DDHD2: variants seen among roughly 807,000 people sequenced by gnomAD.
DDHD2 encodes DDHD domain containing 2.
In DDHD2, 62 loss-of-function variants were observed where a neutral mutation model predicts 91.2. The observed-to-expected ratio is 0.68, with a 90% CI of 0.55 to 0.84. The LOEUF (loss-of-function observed/expected upper bound fraction) is 0.84, where lower values mean the gene tolerates loss of function less well. DDHD2 is among the 40% of genes least tolerant of loss of function. The probability of loss-of-function intolerance (pLI) is 0.00; values close to 1 mark genes in which losing one functional copy is unlikely to be tolerated. For synonymous variants in DDHD2, 271 were observed against 293.9 expected (o/e 0.92, Z 0.80); for missense variants, 740 against 846.9 (o/e 0.87, Z 1.57).
downstream of DDHD2, chr8:38,266,245 T>G: frequency 6.2e-7 from 1 of 1,613,832 alleles, no homozygotes; most frequent in Non-Finnish European, 8.5e-7. Flanking sequence ...CCCACGGCCT[T>G]GTGGTGTGAA....
chr8:38,269,094 G>A, intron 1 of DDHD2: 2 of 1,527,118 alleles, frequency 1.3e-6, no homozygotes, highest in Non-Finnish European at 1.8e-6. Flanking sequence ...GGGAAGCGGG[G>A]CCGCCCGGGC....
downstream of DDHD2, chr8:38,267,596 A>G (rs2130937636): frequency 1.5e-6 from 1 of 662,110 alleles, no homozygotes; most frequent in East Asian, 2.8e-5. Context: ...CCATTCCAGC[A>G]CATGATTACT....
intron 3 of DDHD2, 27 bp downstream of exon 3, chr8:38,234,611 ATTCT>A (rs757206544): frequency 5.9e-6 from 9 of 1,523,416 alleles, no homozygotes; most frequent in Admixed American, 4.5e-5. Flanking sequence ...TTTTTTACTT[ATTCT>A]TTCTTTCTCT....
intron 16 of DDHD2, among the ~76,000 whole-genome samples, chr8:38,256,779 T>C (rs1409556484): frequency 6.6e-6 from 1 of 152,208 alleles, no homozygotes; most frequent in African/African-American, 2.4e-5. Flanking sequence ...ATGGACATAT[T>C]CTTGGGTAAA....
intron 2 of DDHD2, 85 bp downstream of exon 2, chr8:38,233,299 A>C: frequency 1.8e-6 from 2 of 1,086,974 alleles, no homozygotes; most frequent in Non-Finnish European, 2.6e-6. Flanking sequence ...GAGTGCTATG[A>C]AAACCAAATT....
intron 1 of DDHD2, chr8:38,269,182 C>T (rs1157567372): frequency 4.7e-6 from 7 of 1,503,280 alleles, no homozygotes; most frequent in Non-Finnish European, 6.2e-6. Context: ...AGGCCACCGC[C>T]GCCGCCGCCT....
In DDHD2 at chr8:38,247,718, G is replaced by A. The variant is rs138763105; in HGVS notation, c.1131G>A (p.Ser377=). Reference sequence around the variant, plus strand: ...CTTTATAATTTAATTTTTAGGATTCGCTAAATATTGTAATGGATCAAGGAG... The same window carrying A: ...CTTTATAATTTAATTTTTAGGATTCACTAAATATTGTAATGGATCAAGGAG... ...SLGDIDSEKD[S]LNIVMDQGDT... The change falls in exon 10 of 18, where the codon TCG becomes TCA. Residue 377 remains serine (S), a synonymous_variant. Coordinates refer to ENST00000397166, the MANE Select transcript of DDHD2 (RefSeq NM_015214.3). 4.4e-5 allele frequency: 65 copies of A among 1,491,102 alleles called. No homozygotes were observed. Among genetic ancestry groups the A allele is most frequent in the Non-Finnish European group, 5.4e-5 (60 of 1,113,050 alleles). The allele number at this position is 1,491,102 out of a possible 1,614,324, so 92.4% of individuals were successfully genotyped here. A position where few individuals can be genotyped will look rare whatever the true frequency, so the allele number is the denominator to read the frequency against.
downstream of DDHD2, chr8:38,264,761 T>C (rs1005552651): frequency 6.9e-7 from 1 of 1,456,918 alleles, no homozygotes; most frequent in African/African-American, 1.4e-5. Flanking sequence ...ATCTTTTTAT[T>C]CTCAATTTTA....
At chr8:38,269,758 A>G (rs1487109593) in intron 1 of DDHD2, 1 of 152,592 alleles carries the variant, frequency 6.6e-6, no homozygotes, top group African/African-American at 2.4e-5. Flanking sequence ...ATCTGAAATC[A>G]GTGGAATGTC....
Position 38,245,926 on chromosome 8 carries a change from G to A in DDHD2, c.1033G>A (p.Val345Ile), listed in dbSNP as rs776010216. The A allele has an allele frequency of 6.2e-7, 1 of 1,613,758 alleles. No individual in the cohort carries two copies. Among genetic ancestry groups the A allele is most frequent in the Admixed American group, 1.7e-5 (1 of 60,002 alleles). ...GAGGAACCCTGATTTCAAAGGGGGT[G>A]TATCCATTGCTGGTCATAGTTTAGG... The part of the protein sequence containing the change: ...LQRNPDFKGG[V>I]SIAGHSLGSL... The change falls in exon 8 of 18, where the codon GTA becomes ATA. Residue 345 changes from valine (V) to isoleucine (I), a missense_variant. By Grantham distance (29) the Val-to-Ile change is conservative. Around this residue, in one of 2 missense-constraint regions of DDHD2, gnomAD observed 693 missense variants for 764.2 expected, o/e 0.91. Coordinates refer to ENST00000397166, the MANE Select transcript of DDHD2 (RefSeq NM_015214.3).
chr8:38,267,318 T>A (rs1268631384), downstream of DDHD2: 2 of 1,613,894 alleles, frequency 1.2e-6, no homozygotes, highest in Non-Finnish European at 1.7e-6. Flanking sequence ...ACCACGTCCT[T>A]ATCCCCTGTA....
At chr8:38,241,833 C>G (rs552507161) in intron 6 of DDHD2, 5 of 155,896 alleles carry the variant, frequency 3.2e-5, no homozygotes, top group African/African-American at 1.2e-4. Flanking sequence ...GCAGGCAGAT[C>G]ACCTAAAGTC....
chr8:38,239,153 C>G (rs1455699067), intron 5 of DDHD2: 2 of 152,048 alleles, frequency 1.3e-5, no homozygotes, highest in Non-Finnish European at 2.9e-5. Context: ...GTGGAAGGAT[C>G]ACTTGAGCCC....
intron 1 of DDHD2, chr8:38,268,953 G>A (rs762564653): frequency 1.0e-5 from 16 of 1,567,596 alleles, no homozygotes; most frequent in Middle Eastern, 1.7e-4. Flanking sequence ...TCCTCCGGCT[G>A]GATGAGTCTC....
chr8:38,253,247 T>G (rs1375371791), intron 15 of DDHD2, 120 bp downstream of exon 15: 1 of 1,138,898 alleles, frequency 8.8e-7, no homozygotes, highest in East Asian at 2.6e-5. Flanking sequence ...TTGCATTCTT[T>G]TGCTTTAGTT....
At chr8:38,268,613 A>T (rs995240270) in intron 1 of DDHD2, 7 of 1,446,398 alleles carry the variant, frequency 4.8e-6, no homozygotes, top group Admixed American at 2.7e-5. Flanking sequence ...GCCACCAGTG[A>T]ACAGCAGCGC....
At chr8:38,263,314 C>A, downstream of DDHD2, 1 of 871,170 alleles carries the variant, frequency 1.1e-6, no homozygotes, top group Non-Finnish European at 1.4e-6. Flanking sequence ...GAAGAAGGGG[C>A]AGAAAAAGAT....
In DDHD2 at chr8:38,233,212, C is replaced by A; in HGVS notation, c.218C>A (p.Ser73Tyr). The stretch of plus-strand genomic sequence containing the variant: ...CAGCAGCTGGAAGAGGCATATAGCT[C>A]TGGTAGGTGAAAATTATGACTTGGA... Reference protein sequence around the residue: ...DSQQLEEAYSSGKGCNGRVVP... With the variant: ...DSQQLEEAYSYGKGCNGRVVP... The change falls in exon 2 of 18, where the codon TCT becomes TAT. Residue 73 changes from serine (S) to tyrosine (Y), a missense_variant and splice_region_variant. Physicochemically the swap from Ser to Tyr is moderately radical, Grantham distance 144. Around this residue, in one of 2 missense-constraint regions of DDHD2, gnomAD observed 693 missense variants for 764.2 expected, o/e 0.91. Transcript: ENST00000397166. 6.2e-7 allele frequency: 1 copy of A among 1,608,848 alleles called. No individual in the cohort carries two copies. Among genetic ancestry groups the A allele is most frequent in the Non-Finnish European group, 8.5e-7 (1 of 1,175,760 alleles).
chr8:38,240,060 A>G (rs1437467167), intron 5 of DDHD2, among the ~76,000 whole-genome samples: 1 of 152,136 alleles, frequency 6.6e-6, no homozygotes, highest in Non-Finnish European at 1.5e-5. Flanking sequence ...AAAAGAAAAA[A>G]GTCCTGAAAA....
Sources: gnomAD v4.1 joint callset for allele counts (sites outside exome capture counted in the v4.1 genomes callset) on GRCh38, gnomAD v4.1.1 for gene constraint, gnomAD v4.1.1 regional missense constraint, MANE v1.5 for transcripts, NCBI Gene and HGNC (gene_info 2026-07-23, HGNC 2026-07-21) for gene names.